Variants in MMP9 observed in about 807,000 individuals in gnomAD.
MMP9 encodes matrix metalloproteinase-9.
In MMP9, 73 loss-of-function variants were observed where a neutral mutation model predicts 76.4. That is an observed-to-expected ratio of 0.96 (90% CI 0.79 to 1.16). MMP9 has a LOEUF of 1.16. Ranked by LOEUF, MMP9 falls within the 50% of genes most tolerant of loss-of-function variation. The pLI is 0.00. For synonymous variants in MMP9, 412 were observed against 408.4 expected, an observed-to-expected ratio of 1.01 and a Z score of -0.11; for missense variants, 943 against 973.0, an observed-to-expected ratio of 0.97 and a Z score of 0.41.
chr20:46,010,864 C>G, intron 3 of MMP9, 58 bp from the exon 4 acceptor site: 1 of 1,613,830 alleles, frequency 6.2e-7, no homozygotes, highest in Non-Finnish European at 8.5e-7. Flanking sequence ...CCTTGGGCAG[C>G]GCACAATCTG....
Position 46,014,175 on chromosome 20 carries a change from T to C in MMP9, c.1802T>C (p.Leu601Pro), listed in dbSNP as rs1197173954. Residue 601 changes from leucine to proline, a missense_variant, in exon 11 of 13, where the codon CTG becomes CCG. Coordinates refer to ENST00000372330, the MANE Select transcript of MMP9 (RefSeq NM_004994.3). The part of the protein sequence containing the change: ...TGASVLGPRR[L>P]DKLGLGADVA... ...GCGTCGGTGCTGGGCCCGAGGCGTCTGGACAAGCTGGGCCTGGGAGCCGAC... is the reference window on the plus strand; with the variant it reads ...GCGTCGGTGCTGGGCCCGAGGCGTCCGGACAAGCTGGGCCTGGGAGCCGAC... 1 of 1,538,630 alleles carries C rather than the reference T, an allele frequency of 6.5e-7. No homozygotes were observed. The highest frequency in any genetic ancestry group is 8.7e-7 in the Non-Finnish European group (1 of 1,146,098).
At chr20:46,014,600 C>G in intron 12 of MMP9, 126 bp downstream of exon 12, 1 of 1,032,088 alleles carries the variant, frequency 9.7e-7, no homozygotes, top group South Asian at 1.4e-5. Flanking sequence ...CAGACAAGAT[C>G]CCAGCAGAGG....
chr20:46,014,161 G>T lies in MMP9; in HGVS notation c.1788G>T (p.Leu596=). 1 of 1,537,870 alleles carries T rather than the reference G, an allele frequency of 6.5e-7. No individual in the cohort carries two copies. Among genetic ancestry groups the T allele is most frequent in the South Asian group, 1.2e-5 (1 of 83,974 alleles). Reference sequence around the variant, plus strand: ...GGGTGTACACAGGCGCGTCGGTGCTGGGCCCGAGGCGTCTGGACAAGCTGG... The same window carrying T: ...GGGTGTACACAGGCGCGTCGGTGCTTGGCCCGAGGCGTCTGGACAAGCTGG... ...QVWVYTGASV[L]GPRRLDKLGL... Residue 596 remains leucine, a synonymous_variant, in exon 11 of 13, where the codon CTG becomes CTT. Coordinates refer to ENST00000372330, the MANE Select transcript of MMP9 (RefSeq NM_004994.3).
chr20:46,012,661 A>G (rs2145454574), intron 8 of MMP9, 79 bp downstream of exon 8: 12 of 1,238,664 alleles, frequency 9.7e-6, no homozygotes, highest in East Asian at 3.1e-5. Flanking sequence ...GGGGTTGGGG[A>G]TCGGGGGAGG....
chr20:46,013,915 G>A lies in MMP9; in HGVS notation c.1750+119G>A. On this transcript the variant is annotated intron_variant, in intron 10 of 12. Transcript: ENST00000372330. This position sits in a 1 kb window ranked among gnomAD's most constrained non-coding sequence, Gnocchi z 4.5. ...TTTTAGAAAAATACGCCCCCTGGCG[G>A]ACGCAGTTTAGCAAACGTAGGGGCG... 6.7e-7 allele frequency: 1 copy of A among 1,488,460 alleles called. No individual in the cohort carries two copies. The highest frequency in any genetic ancestry group is 9.1e-7 in the Non-Finnish European group (1 of 1,096,358). 92.2% of individuals were successfully genotyped at this position (1,488,460 alleles called of 1,614,324 possible). A position where few individuals can be genotyped will look rare whatever the true frequency, so the allele number is the denominator to read the frequency against.
chr20:46,011,995 C>G (rs796721272), intron 6 of MMP9, 142 bp from the exon 7 acceptor site: 1 of 1,199,318 alleles, frequency 8.3e-7, no homozygotes. Context: ...TCCCAGGCAC[C>G]GCCCACGGGT....
At position 46,013,600 on chromosome 20, in the gene MMP9, C is replaced by T. The variant is rs747719903; in HGVS notation, c.1611-57C>T. 1.9e-4 allele frequency: 302 copies of T among 1,611,922 alleles called. 1 individual carries two copies. Among genetic ancestry groups the T allele is most frequent in the Non-Finnish European group, 2.4e-4 (279 of 1,178,486 alleles). ...CGGAGGGGCTGCCCGTCCCTTCCCG[C>T]CCACTGGCCCTGTGTCCAAGGCTTA... On this transcript the variant is annotated intron_variant, in intron 9 of 12. Coordinates refer to ENST00000372330, the MANE Select transcript of MMP9 (RefSeq NM_004994.3). The surrounding 1 kb of genome is among the most constrained non-coding windows in gnomAD (Gnocchi z 4.5).
In MMP9 at chr20:46,014,455, C is replaced by A. The variant is rs1219244909; in HGVS notation, c.1986C>A (p.His662Gln). 2 of 1,550,346 alleles carry A rather than the reference C, an allele frequency of 1.3e-6. No homozygotes were observed. Among genetic ancestry groups the A allele is most frequent in the African/African-American group, 2.7e-5 (2 of 73,056 alleles). Residue 662 changes from histidine to glutamine, a missense_variant, in exon 12 of 13, where the codon CAC becomes CAA. Transcript: ENST00000372330. ...TCCCCGGGGTGCCTTTGGACACGCA[C>A]GACGTCTTCCAGTACCGAGGTGAGG... ...RMFPGVPLDT[H>Q]DVFQYREKAY...
intron 12 of MMP9, among the ~76,000 whole-genome samples, chr20:46,015,777 CATTT>C (rs2084317415): frequency 6.6e-6 from 1 of 152,188 alleles, no homozygotes; most frequent in African/African-American, 2.4e-5. Flanking sequence ...AAACCAATCT[CATTT>C]ATTTATGTGT....
Position 46,011,754 on chromosome 20 carries a change from C to T in MMP9, c.997+7C>T. 1 of 1,608,580 alleles carries T rather than the reference C, an allele frequency of 6.2e-7. No individual in the cohort carries two copies. Among genetic ancestry groups the T allele is most frequent in the Middle Eastern group, 1.7e-4 (1 of 5,882 alleles). On this transcript the variant is annotated splice_region_variant and intron_variant, in intron 6 of 12. Coordinates refer to ENST00000372330, the MANE Select transcript of MMP9 (RefSeq NM_004994.3). ...GGCTTCTGCCCGACCCGAGGTACCT[C>T]CACCCTGTCTACCAGGTTCAGCCCC...
intron 8 of MMP9, among the ~76,000 whole-genome samples, chr20:46,012,869 G>T (rs1195667231): frequency 6.6e-6 from 1 of 152,232 alleles, no homozygotes; most frequent in Non-Finnish European, 1.5e-5. Flanking sequence ...CAAGGCGGGA[G>T]GATTGCTTAA....
Position 46,009,760 on chromosome 20 carries a change from A to G in MMP9, c.139-106A>G. 4 of 1,008,446 alleles carry G rather than the reference A, an allele frequency of 4.0e-6. 1 individual carries two copies. In the South Asian group the frequency reaches 4.2e-5, roughly 10 times the overall value. 62.5% of individuals were successfully genotyped at this position (1,008,446 alleles called of 1,614,324 possible). A position where few individuals can be genotyped will look rare whatever the true frequency, so the allele number is the denominator to read the frequency against. ...CTGATACCGTCTCTCCGAAAAAGAA[A>G]AAGAAAAAAGACTCCCTCCATGAGT... is the stretch of plus-strand genomic sequence containing the variant. On this transcript the variant is annotated intron_variant, in intron 1 of 12. Transcript: ENST00000372330.
chr20:46,014,126 C>A lies in MMP9; in HGVS notation c.1753C>A (p.Arg585Ser). The A allele has an allele frequency of 6.5e-7, 1 of 1,535,236 alleles. No homozygotes were observed. Among genetic ancestry groups the A allele is most frequent in the Non-Finnish European group, 8.7e-7 (1 of 1,146,610 alleles). Residue 585 changes from arginine (R) to serine (S), a missense_variant and splice_region_variant, in exon 11 of 13, where the codon CGC (arginine) becomes AGC (serine). Coordinates refer to ENST00000372330, the MANE Select transcript of MMP9 (RefSeq NM_004994.3). ...LSKKLFFFSG[R>S]QVWVYTGASV... is the part of the protein sequence containing the mutation. The stretch of plus-strand genomic sequence containing the variant: ...GACGTGACCCTCCTCCCCTGCAGGG[C>A]GCCAGGTGTGGGTGTACACAGGCGC...
At position 46,014,109 on chromosome 20, in the gene MMP9, C is replaced by T; in HGVS notation, c.1751-15C>T. 1.3e-6 allele frequency: 2 copies of T among 1,534,584 alleles called. No homozygotes were observed. Among genetic ancestry groups the T allele is most frequent in the Non-Finnish European group, 1.7e-6 (2 of 1,146,626 alleles). On this transcript the variant is annotated splice_polypyrimidine_tract_variant and intron_variant, in intron 10 of 12. Transcript: ENST00000372330. ...CTCTGCGCCCCCAAACCGACGTGAC[C>T]CTCCTCCCCTGCAGGGCGCCAGGTG... is the stretch of plus-strand genomic sequence containing the variant.
At position 46,012,273 on chromosome 20, in the gene MMP9, C is replaced by A. The variant is rs745505081; in HGVS notation, c.1134C>A (p.Asn378Lys). ...DGRLWCATTS[N>K]FDSDKKWGFC... ...GCCTCTGGTGCGCTACCACCTCGAACTTTGACAGCGACAAGAAGTGGGGCT... is the reference window on the plus strand; with the variant it reads ...GCCTCTGGTGCGCTACCACCTCGAAATTTGACAGCGACAAGAAGTGGGGCT... The change falls in exon 7 of 13, where the codon AAC becomes AAA. Residue 378 changes from asparagine (N) to lysine (K), a missense_variant. By Grantham distance (94) the Asn-to-Lys change is moderately conservative. Coordinates refer to ENST00000372330, the MANE Select transcript of MMP9 (RefSeq NM_004994.3). 1 of 1,613,936 alleles carries A rather than the reference C, an allele frequency of 6.2e-7. No individual in the cohort carries two copies. The highest frequency in any genetic ancestry group is 8.5e-7 in the Non-Finnish European group (1 of 1,180,044).
chr20:46,013,817 C>G lies in MMP9; in HGVS notation c.1750+21C>G, dbSNP rs201887847. 15 of 1,611,436 alleles carry G rather than the reference C, an allele frequency of 9.3e-6. No individual in the cohort carries two copies. The highest frequency in any genetic ancestry group is 1.3e-5 in the Non-Finnish European group (15 of 1,179,598). ...CTCTGGTTAGTTACCTACTTTCCCTCCCCCGCCCGGTCAATCCCCATCAGT... is the reference window on the plus strand; with the variant it reads ...CTCTGGTTAGTTACCTACTTTCCCTGCCCCGCCCGGTCAATCCCCATCAGT... On this transcript the variant is annotated intron_variant, in intron 10 of 12. Coordinates refer to ENST00000372330, the MANE Select transcript of MMP9 (RefSeq NM_004994.3). This position sits in a 1 kb window ranked among gnomAD's most constrained non-coding sequence, Gnocchi z 4.5.
chr20:46,010,700 G>A lies in MMP9; in HGVS notation c.520+69G>A, dbSNP rs1391645994. 16 of 1,564,338 alleles carry A rather than the reference G, an allele frequency of 1.0e-5. No individual in the cohort carries two copies. The East Asian group carries it at 3.8e-4, about 37-fold the overall frequency. On this transcript the variant is annotated intron_variant, in intron 3 of 12. Transcript: ENST00000372330. ...CAGGGAAGGGAGGACCACGGAGAGCGTGGAGGCAGCAGTGGCCCCGGCTTC... is the reference window on the plus strand; with the variant it reads ...CAGGGAAGGGAGGACCACGGAGAGCATGGAGGCAGCAGTGGCCCCGGCTTC...
Position 46,009,999 on chromosome 20 carries a change from T to G in MMP9, c.272T>G (p.Leu91Arg), listed in dbSNP as rs950808421. The change falls in exon 2 of 13, where the codon CTG becomes CGG. Residue 91 changes from leucine (L) to arginine (R), a missense_variant. Leu to Arg is a moderately radical substitution (Grantham distance 102, BLOSUM62 -2). Transcript: ENST00000372330. ...PETGELDSAT[L>R]KAMRTPRCGV... ...ACCGGTGAGCTGGATAGCGCCACGCTGAAGGCCATGCGAACCCCACGGTGC... is the reference window on the plus strand; with the variant it reads ...ACCGGTGAGCTGGATAGCGCCACGCGGAAGGCCATGCGAACCCCACGGTGC... 6 of 1,551,694 alleles carry G rather than the reference T, an allele frequency of 3.9e-6. No homozygotes were observed. In the East Asian group the frequency reaches 1.5e-4, roughly 38 times the overall value.
At chr20:46,015,640 A>C (rs1445066597) in intron 12 of MMP9, among the ~76,000 whole-genome samples, 1 of 151,570 alleles carries the variant, frequency 6.6e-6, no homozygotes, top group African/African-American at 2.4e-5. Flanking sequence ...TTTAGTAGAG[A>C]CGGGGTTTCA....
Sources: allele counts gnomAD v4.1 joint callset (sites outside exome capture counted in the v4.1 genomes callset), GRCh38; gene constraint gnomAD v4.1.1; non-coding constraint Gnocchi (gnomAD v3.1); transcripts MANE v1.5; gene names NCBI Gene and HGNC (gene_info 2026-07-23, HGNC 2026-07-21).